The following FHIT variants were observed in gnomAD, a reference collection of about 807,000 sequenced individuals.
The protein encoded by FHIT is bis(5'-adenosyl)-triphosphatase.
Under a neutral mutation model 17.9 loss-of-function variants are expected in FHIT, and 19 were observed. The ratio of observed to expected loss-of-function variants is 1.06; its 90% CI spans 0.74 to 1.56. The LOEUF (loss-of-function observed/expected upper bound fraction) is 1.56, where lower values mean the gene tolerates loss of function less well. Among genes scored for constraint, FHIT ranks in the 40% most tolerant of loss-of-function variants. The probability of loss-of-function intolerance (pLI) is 0.00; values close to 1 mark genes in which losing one functional copy is unlikely to be tolerated. For synonymous variants in FHIT, 81 were observed against 69.7 expected (o/e 1.16, Z -0.81); for missense variants, 248 against 189.2 (o/e 1.31, Z -1.82).
intron 2 of FHIT, among the ~76,000 whole-genome samples, chr3:61,115,450 A>G (rs948598371): frequency 1.3e-5 from 2 of 152,104 alleles, no homozygotes; most frequent in African/African-American, 4.8e-5. Context: ...CCAACTGTCC[A>G]GTGGGAGGAA....
intron 1 of FHIT, among the ~76,000 whole-genome samples, chr3:61,203,794 C>G (rs1032858781): frequency 6.6e-6 from 1 of 152,174 alleles, no homozygotes; most frequent in Non-Finnish European, 1.5e-5. Flanking sequence ...AAGATATGCA[C>G]TAAAACTACT....
intron 5 of FHIT, among the ~76,000 whole-genome samples, chr3:60,445,421 C>T (rs2031257283): frequency 6.6e-6 from 1 of 150,890 alleles, no homozygotes; most frequent in Admixed American, 6.6e-5. Flanking sequence ...CAAAGGTCAT[C>T]AAAGAAAGCA....
At chr3:61,056,656 C>T (rs138909024) in intron 2 of FHIT, among the ~76,000 whole-genome samples, 180 of 152,262 alleles carry the variant, frequency 1.2e-3, no homozygotes, top group African/African-American at 4.1e-3. Context: ...CAGAGAACAG[C>T]AATCCTCTCC....
chr3:60,649,268 C>T (rs1018937077), intron 4 of FHIT, among the ~76,000 whole-genome samples: 1 of 152,010 alleles, frequency 6.6e-6, no homozygotes, highest in Admixed American at 6.6e-5. Context: ...GGCGTGGTGG[C>T]GGGCACCTGT....
At chr3:60,220,620 T>A (rs1703916701) in intron 5 of FHIT, among the ~76,000 whole-genome samples, 1 of 152,178 alleles carries the variant, frequency 6.6e-6, no homozygotes, top group Admixed American at 6.6e-5. Context: ...TAAATAACAT[T>A]TCCTACCACC....
chr3:60,306,189 T>A (rs1230480835), intron 5 of FHIT, among the ~76,000 whole-genome samples: 3 of 152,148 alleles, frequency 2.0e-5, no homozygotes. Flanking sequence ...CCAGATTCTT[T>A]TGACTTTGTC....
At chr3:61,046,300 A>G (rs2033784443) in intron 2 of FHIT, among the ~76,000 whole-genome samples, 1 of 152,184 alleles carries the variant, frequency 6.6e-6, no homozygotes, top group Admixed American at 6.5e-5. Flanking sequence ...AAAAATGATA[A>G]AAGGGATATC....
intron 2 of FHIT, among the ~76,000 whole-genome samples, chr3:61,056,390 G>T (rs1188246488): frequency 6.6e-6 from 1 of 152,204 alleles, no homozygotes; most frequent in Non-Finnish European, 1.5e-5. Flanking sequence ...ACTGTGTGAG[G>T]CATAAATAAA....
chr3:60,280,867 A>T (rs1244915215), intron 5 of FHIT, among the ~76,000 whole-genome samples: 1 of 152,202 alleles, frequency 6.6e-6, no homozygotes, highest in Admixed American at 6.5e-5. Context: ...TAAGAAAAAG[A>T]TATAACGATT....
At chr3:60,619,600 C>CAAAAAAAAAAAAA (rs57198487) in intron 4 of FHIT, among the ~76,000 whole-genome samples, 7 of 88,692 alleles carry the variant, frequency 7.9e-5, no homozygotes, top group East Asian at 7.7e-4. Context: ...TACCCACATG[C>CAAAAAAAAAAAAA]AAAAAAAAAA....
chr3:60,878,614 A>G (rs1326353003), intron 3 of FHIT, among the ~76,000 whole-genome samples: 4 of 151,972 alleles, frequency 2.6e-5, no homozygotes, highest in African/African-American at 9.7e-5. Context: ...TACATTAGGT[A>G]TATCTCCTAA....
intron 3 of FHIT, among the ~76,000 whole-genome samples, chr3:60,888,608 A>C (rs546150822): frequency 6.6e-6 from 1 of 152,354 alleles, no homozygotes; most frequent in South Asian, 2.1e-4. Context: ...AAGACAAAGA[A>C]ATAAGATATT....
intron 2 of FHIT, among the ~76,000 whole-genome samples, chr3:61,199,243 G>A (rs2038944961): frequency 6.6e-6 from 1 of 152,144 alleles, no homozygotes; most frequent in South Asian, 2.1e-4. Flanking sequence ...CATTCCCCAA[G>A]AGGAAAGGAA....
chr3:60,603,568 A>C (rs1240530847), intron 4 of FHIT, among the ~76,000 whole-genome samples: 1 of 151,924 alleles, frequency 6.6e-6, no homozygotes, highest in African/African-American at 2.4e-5. Context: ...TATTGCCTAC[A>C]TTTTTTAATG....
intron 8 of FHIT, among the ~76,000 whole-genome samples, chr3:59,842,915 G>A (rs1465997954): frequency 6.6e-6 from 1 of 151,872 alleles, no homozygotes; most frequent in Non-Finnish European, 1.5e-5. Flanking sequence ...TTTCATTTAA[G>A]TCCAATTCAT....
In FHIT at chr3:61,208,332, C is replaced by T. The variant is rs557594643; in HGVS notation, c.-212-7667G>A. Among the ~76,000 whole-genome samples the T allele has an allele frequency of 2.7e-4, 41 of 152,040 alleles. 2 individuals are homozygous for T. The East Asian group carries it at 2.7e-3, about 10-fold the overall frequency. The stretch of plus-strand genomic sequence containing the variant: ...GAGTTCTCTAGATGTCTATTAGGTC[C>T]GCTTGGTGCAGAGCTGAGTTCAATT... On this transcript the variant is annotated intron_variant, in intron 1 of 9. Coordinates refer to ENST00000492590, the MANE Select transcript of FHIT (RefSeq NM_002012.4).
chr3:60,394,582 C>A (rs1701360084), intron 5 of FHIT, among the ~76,000 whole-genome samples: 4 of 152,152 alleles, frequency 2.6e-5, no homozygotes, highest in Non-Finnish European at 5.9e-5. Context: ...ACATCCTGAA[C>A]TGAGTATATG....
At chr3:60,492,078 A>C (rs549117503) in intron 5 of FHIT, among the ~76,000 whole-genome samples, 18 of 152,332 alleles carry the variant, frequency 1.2e-4, no homozygotes, top group African/African-American at 4.3e-4. Context: ...ATTCTTGAAA[A>C]TTAATGTGTT....
chr3:59,901,308 A>G (rs1704319500), intron 8 of FHIT, among the ~76,000 whole-genome samples: 4 of 152,246 alleles, frequency 2.6e-5, no homozygotes. Context: ...TGGGTAAATG[A>G]GTGAATAATC....
Sources: allele counts gnomAD v4.1 joint callset (sites outside exome capture counted in the v4.1 genomes callset), GRCh38; gene constraint gnomAD v4.1.1; transcripts MANE v1.5; gene names NCBI Gene and HGNC (gene_info 2026-07-23, HGNC 2026-07-21).